The following SLC8A1 variants were observed in gnomAD, a reference collection of about 807,000 sequenced individuals.
The protein encoded by SLC8A1 is sodium/calcium exchanger 1.
A neutral mutation model predicts 68.3 loss-of-function variants in SLC8A1; 18 were observed. The observed-to-expected ratio is 0.26, with a 90% CI of 0.18 to 0.39. The LOEUF is 0.39. SLC8A1 is among the 10% of genes least tolerant of loss of function. The pLI is 1.00. For synonymous variants in SLC8A1, 475 were observed against 415.5 expected (o/e 1.14, Z -1.74); for missense variants, 985 against 1,156.7 (o/e 0.85, Z 2.15).
At chr2:40,404,423 T>C (rs138766289) in intron 2 of SLC8A1, among the ~76,000 whole-genome samples, 1 of 152,222 alleles carries the variant, frequency 6.6e-6, no homozygotes, top group African/African-American at 2.4e-5. Context: ...TGACAATACA[T>C]TTTTTGCAAT....
intron 2 of SLC8A1, among the ~76,000 whole-genome samples, chr2:40,281,692 G>A (rs2067550878): frequency 6.6e-6 from 1 of 152,252 alleles, no homozygotes; most frequent in Non-Finnish European, 1.5e-5. Context: ...AGCTGGGAAT[G>A]TCTGGAAAGA....
At chr2:40,467,074 G>T (rs917411065) in intron 1 of SLC8A1, among the ~76,000 whole-genome samples, 3 of 152,078 alleles carry the variant, frequency 2.0e-5, no homozygotes, top group Admixed American at 2.0e-4. Flanking sequence ...ACACCAGGGG[G>T]ACAGTTAATT....
intron 2 of SLC8A1, among the ~76,000 whole-genome samples, chr2:40,228,929 C>A (rs575215419): frequency 9.2e-5 from 14 of 152,210 alleles, no homozygotes; most frequent in African/African-American, 3.4e-4. Flanking sequence ...ACATATTTTA[C>A]TAAATTGTCT....
At chr2:40,137,783 C>A (rs576702843) in intron 7 of SLC8A1, among the ~76,000 whole-genome samples, 2 of 152,174 alleles carry the variant, frequency 1.3e-5, no homozygotes, top group Non-Finnish European at 2.9e-5. Flanking sequence ...CTTCAAACAG[C>A]CCTGCTTGCT....
intron 1 of SLC8A1, among the ~76,000 whole-genome samples, chr2:40,447,168 G>A (rs6737745): frequency 0.56 from 85,583 of 152,092 alleles, 26,464 homozygotes; most frequent in East Asian, 0.93. Flanking sequence ...GTCTGAATTG[G>A]TATCACACTA....
chr2:40,338,338 TG>T (rs1666666963), intron 2 of SLC8A1, among the ~76,000 whole-genome samples: 1 of 152,196 alleles, frequency 6.6e-6, no homozygotes, highest in Non-Finnish European at 1.5e-5. Context: ...ACAGTGTGTG[TG>T]TGTATATATG....
chr2:40,299,472 G>C (rs574415026), intron 2 of SLC8A1, among the ~76,000 whole-genome samples: 1 of 152,242 alleles, frequency 6.6e-6, no homozygotes, highest in African/African-American at 2.4e-5. Flanking sequence ...TTTGTCTTGA[G>C]TTGAAGGAGC....
chr2:40,419,050 C>T (rs1315842114), intron 2 of SLC8A1, among the ~76,000 whole-genome samples: 1 of 152,220 alleles, frequency 6.6e-6, no homozygotes, highest in Admixed American at 6.5e-5. Context: ...TGTTGTAGGA[C>T]TGAACATTCG....
intron 2 of SLC8A1, among the ~76,000 whole-genome samples, chr2:40,337,768 G>C (rs1400577460): frequency 6.6e-6 from 1 of 152,094 alleles, no homozygotes; most frequent in African/African-American, 2.4e-5. Flanking sequence ...CTATCCTGAT[G>C]ATTCTATGAA....
chr2:40,483,383 TG>T (rs1421814836), intron 1 of SLC8A1, among the ~76,000 whole-genome samples: 1 of 151,372 alleles, frequency 6.6e-6, no homozygotes, highest in Non-Finnish European at 1.5e-5. Flanking sequence ...ACACCAAGGG[TG>T]TGAGTAGAGG....
chr2:40,112,038 G>A (rs1398646196), exon 8 of SLC8A1: 1 of 152,116 alleles, frequency 6.6e-6, no homozygotes, highest in East Asian at 1.9e-4. Context: ...GTGTTCTCCT[G>A]GGACATTAAA....
chr2:40,313,516 C>T (rs2074024802), intron 2 of SLC8A1, among the ~76,000 whole-genome samples: 1 of 151,952 alleles, frequency 6.6e-6, no homozygotes, highest in South Asian at 2.1e-4. Flanking sequence ...TACATTCCAA[C>T]CAGCAGTGTA....
chr2:40,417,225 G>T (rs147997099), intron 2 of SLC8A1, among the ~76,000 whole-genome samples: 1 of 151,958 alleles, frequency 6.6e-6, no homozygotes, highest in Admixed American at 6.6e-5. Flanking sequence ...TAGGTAAACT[G>T]CATGTCATGG....
At chr2:40,305,994 C>A (rs1482796196) in intron 2 of SLC8A1, among the ~76,000 whole-genome samples, 1 of 152,174 alleles carries the variant, frequency 6.6e-6, no homozygotes, top group Non-Finnish European at 1.5e-5. Context: ...ATCTTAAATG[C>A]ATGCTCCTAA....
At chr2:40,319,633 G>A (rs117436159) in intron 2 of SLC8A1, among the ~76,000 whole-genome samples, 4 of 152,108 alleles carry the variant, frequency 2.6e-5, no homozygotes, top group East Asian at 3.9e-4. Flanking sequence ...GAGCAGTTCC[G>A]CCTGTCACAA....
chr2:40,220,897 A>G (rs1280829270), intron 2 of SLC8A1, among the ~76,000 whole-genome samples: 1 of 151,674 alleles, frequency 6.6e-6, no homozygotes, highest in Non-Finnish European at 1.5e-5. Context: ...CCTATCAACC[A>G]AAAAAAAGCT....
At chr2:40,420,197 G>C (rs1378283882) in intron 2 of SLC8A1, among the ~76,000 whole-genome samples, 4 of 152,052 alleles carry the variant, frequency 2.6e-5, no homozygotes, top group South Asian at 4.1e-4. Context: ...CTGCCATGCA[G>C]GTCACTTATT....
chr2:40,165,692 C>A (rs1350043841), intron 4 of SLC8A1, among the ~76,000 whole-genome samples: 1 of 152,152 alleles, frequency 6.6e-6, no homozygotes, highest in African/African-American at 2.4e-5. Context: ...AATACTCACT[C>A]ACCATGTGAG....
At chr2:40,389,710 C>A (rs1684683319) in intron 2 of SLC8A1, among the ~76,000 whole-genome samples, 1 of 151,732 alleles carries the variant, frequency 6.6e-6, no homozygotes, top group Non-Finnish European at 1.5e-5. Flanking sequence ...AGTTGTGGGT[C>A]TCATACCTAG....
Sources: allele counts gnomAD v4.1 joint callset (sites outside exome capture counted in the v4.1 genomes callset), GRCh38; gene constraint gnomAD v4.1.1; transcripts MANE v1.5; gene names NCBI Gene and HGNC (gene_info 2026-07-23, HGNC 2026-07-21).